PLD5: variants seen among roughly 807,000 people sequenced by gnomAD.
PLD5 encodes the protein inactive phospholipase D5.
Under a neutral mutation model 61.1 loss-of-function variants are expected in PLD5, and 36 were observed. The observed-to-expected ratio is 0.59, with a 90% CI of 0.45 to 0.78. PLD5 has a LOEUF of 0.78. PLD5 is among the 30% of genes least tolerant of loss of function. PLD5 has a pLI of 0.00. For missense variants in PLD5, 515 were observed against 644.4 expected (o/e 0.80, Z 2.17); for synonymous variants, 243 against 242.8 (o/e 1.00, Z -0.01).
At chr1:242,163,968 T>G (rs1406254226) in intron 5 of PLD5, among the ~76,000 whole-genome samples, 1 of 152,158 alleles carries the variant, frequency 6.6e-6, no homozygotes, top group African/African-American at 2.4e-5. Context: ...TCCAGCTGTC[T>G]ATAAGTGATT....
At chr1:242,501,511 C>A (rs958214426) in intron 1 of PLD5, among the ~76,000 whole-genome samples, 5 of 152,204 alleles carry the variant, frequency 3.3e-5, no homozygotes, top group East Asian at 1.9e-4. Context: ...GGGCAGGCAT[C>A]TGCCTGTTTC....
chr1:242,400,193 A>G (rs967659417), intron 1 of PLD5, among the ~76,000 whole-genome samples: 6 of 151,956 alleles, frequency 3.9e-5, no homozygotes, highest in Admixed American at 2.0e-4. Context: ...GAAAAGAAAA[A>G]AAAAAAAGAA....
intron 2 of PLD5, among the ~76,000 whole-genome samples, chr1:242,329,658 G>A (rs1358292564): frequency 2.0e-5 from 3 of 152,196 alleles, no homozygotes; most frequent in African/African-American, 7.2e-5. Context: ...TGCCTTAGGA[G>A]AAGGGGAGTT....
intron 4 of PLD5, among the ~76,000 whole-genome samples, chr1:242,245,675 G>A (rs886734613): frequency 7.9e-5 from 12 of 152,180 alleles, no homozygotes; most frequent in African/African-American, 2.9e-4. Context: ...GGCATTTTCA[G>A]CTGAGAAGCC....
chr1:242,171,548 C>A (rs762393963), intron 5 of PLD5, among the ~76,000 whole-genome samples: 2 of 152,050 alleles, frequency 1.3e-5, no homozygotes, highest in Non-Finnish European at 2.9e-5. Context: ...ACAATATTAA[C>A]CTTAAATGTA....
intron 3 of PLD5, among the ~76,000 whole-genome samples, chr1:242,279,779 G>A (rs1350899135): frequency 4.6e-5 from 7 of 152,150 alleles, no homozygotes; most frequent in African/African-American, 1.2e-4. Context: ...TGATCCACCC[G>A]CCTCAGCCTC....
chr1:242,393,785 C>T (rs1010493976), intron 1 of PLD5, among the ~76,000 whole-genome samples: 2 of 147,574 alleles, frequency 1.4e-5, no homozygotes, highest in South Asian at 2.1e-4. Context: ...TAGGCAGGGC[C>T]GCAGTGGCTC....
intron 8 of PLD5, among the ~76,000 whole-genome samples, chr1:242,102,995 G>A (rs542088453): frequency 5.9e-5 from 9 of 152,324 alleles, no homozygotes; most frequent in Non-Finnish European, 1.2e-4. Flanking sequence ...CGCCCTAGAA[G>A]TTTTGACTGC....
chr1:242,474,863 T>C (rs1208182957), intron 1 of PLD5, among the ~76,000 whole-genome samples: 4 of 152,222 alleles, frequency 2.6e-5, no homozygotes, highest in Middle Eastern at 3.2e-3. Flanking sequence ...TCCGTATTGA[T>C]TGCACTTTCT....
At chr1:242,384,688 A>T (rs1278071164) in intron 1 of PLD5, among the ~76,000 whole-genome samples, 1 of 152,156 alleles carries the variant, frequency 6.6e-6, no homozygotes, top group East Asian at 1.9e-4. Flanking sequence ...ATACGATCTC[A>T]TTTGTTTGGA....
intron 4 of PLD5, among the ~76,000 whole-genome samples, chr1:242,259,943 T>C (rs1328966995): frequency 1.3e-5 from 2 of 152,064 alleles, no homozygotes; most frequent in East Asian, 3.8e-4. Context: ...GAGATAAAAA[T>C]TGTGTTAGTA....
intron 1 of PLD5, among the ~76,000 whole-genome samples, chr1:242,477,546 T>G (rs1043691934): frequency 6.6e-6 from 1 of 152,056 alleles, no homozygotes; most frequent in African/African-American, 2.4e-5. Flanking sequence ...ATACCCGCAG[T>G]TGAGGCGCAG....
intron 1 of PLD5, among the ~76,000 whole-genome samples, chr1:242,420,536 A>G (rs1488431436): frequency 6.6e-6 from 1 of 152,182 alleles, no homozygotes; most frequent in African/African-American, 2.4e-5. Context: ...CCCACTTCTT[A>G]TGATGCAGCT....
In PLD5 at chr1:242,107,818, A is replaced by C; in HGVS notation, c.1092T>G (p.Asp364Glu). ...STKRTYWPDL[D>E]AKIREALVLR... The stretch of plus-strand genomic sequence containing the variant: ...AAACTAATGCTTCTCTTATTTTTGC[A>C]TCCAAGTCTGGCCAGTAAGTCCTGC... The change falls in exon 8 of 10, where the codon GAT becomes GAG. Residue 364 changes from aspartate to glutamate, a missense_variant. By Grantham distance (45) the Asp-to-Glu change is conservative. Around this residue, in one of 2 missense-constraint regions of PLD5, gnomAD observed 450 missense variants for 598.1 expected, o/e 0.75. Transcript: ENST00000536534. 6.2e-7 allele frequency: 1 copy of C among 1,602,234 alleles called. No individual in the cohort carries two copies. Among genetic ancestry groups the C allele is most frequent in the Non-Finnish European group, 8.5e-7 (1 of 1,176,900 alleles).
intron 1 of PLD5, among the ~76,000 whole-genome samples, chr1:242,460,111 C>T (rs1182081473): frequency 2.0e-5 from 3 of 152,146 alleles, no homozygotes; most frequent in Non-Finnish European, 2.9e-5. Context: ...AAATTACTGA[C>T]ACACACACTA....
chr1:242,272,159 T>C (rs929193435), intron 3 of PLD5, among the ~76,000 whole-genome samples: 17 of 152,154 alleles, frequency 1.1e-4, no homozygotes, highest in Non-Finnish European at 1.8e-4. Context: ...TTTAAGGTAT[T>C]AGATGGGAAA....
chr1:242,090,163 A>G, intron 9 of PLD5, 53 bp from the exon 10 acceptor site: 2 of 1,587,314 alleles, frequency 1.3e-6, no homozygotes, highest in Non-Finnish European at 1.7e-6. Context: ...CTGGGAACAT[A>G]CCCAATATAA....
chr1:242,296,039 C>T (rs1302651877), intron 2 of PLD5, among the ~76,000 whole-genome samples: 1 of 152,150 alleles, frequency 6.6e-6, no homozygotes, highest in Non-Finnish European at 1.5e-5. Context: ...AGATTACTAA[C>T]CTCTTTCAAT....
intron 5 of PLD5, among the ~76,000 whole-genome samples, chr1:242,206,838 A>G (rs375872372): frequency 2.0e-5 from 3 of 152,216 alleles, no homozygotes; most frequent in East Asian, 3.9e-4. Flanking sequence ...TATTCAGTGT[A>G]ATTTTTATTG....
Sources: gnomAD v4.1 joint callset for allele counts (sites outside exome capture counted in the v4.1 genomes callset) on GRCh38, gnomAD v4.1.1 for gene constraint, gnomAD v4.1.1 regional missense constraint, MANE v1.5 for transcripts, NCBI Gene and HGNC (gene_info 2026-07-23, HGNC 2026-07-21) for gene names.